The following ANKRD30B variants were observed in gnomAD, a reference collection of about 807,000 sequenced individuals.
ANKRD30B encodes the protein ankyrin repeat domain-containing protein 30B.
ANKRD30B carries 144 observed loss-of-function variants against 202.2 expected under a neutral mutation model. The observed-to-expected ratio is 0.71, with a 90% CI of 0.62 to 0.82. ANKRD30B has a LOEUF of 0.82. ANKRD30B is among the 40% of genes least tolerant of loss of function. The pLI is 0.00. For synonymous variants in ANKRD30B, 508 were observed against 561.3 expected, an observed-to-expected ratio of 0.91 and a Z score of 1.34; for missense variants, 1,487 against 1,669.1, an observed-to-expected ratio of 0.89 and a Z score of 1.90.
intron 4 of ANKRD30B, among the ~76,000 whole-genome samples, chr18:14,756,313 T>C (rs1285985796): frequency 2.0e-5 from 3 of 152,254 alleles, no homozygotes; most frequent in Admixed American, 6.5e-5. Flanking sequence ...AGCCCTTTGT[T>C]AGATGAGTAG....
the ANKRD30B span, among the ~76,000 whole-genome samples, chr18:14,926,107 G>A: frequency 1.3e-5 from 2 of 152,146 alleles, no homozygotes; most frequent in Non-Finnish European, 2.9e-5. Context: ...AGCCCAACAC[G>A]GCAGCGAGGA....
At chr18:14,861,436 C>T in the ANKRD30B span, among the ~76,000 whole-genome samples, 2 of 150,672 alleles carry the variant, frequency 1.3e-5, no homozygotes, top group African/African-American at 4.9e-5. Flanking sequence ...ATATTCATCA[C>T]ATAAATGAAA....
chr18:14,838,446 A>G (rs1971272496), intron 36 of ANKRD30B, among the ~76,000 whole-genome samples: 1 of 152,238 alleles, frequency 6.6e-6, no homozygotes, highest in South Asian at 2.1e-4. Context: ...TTGGATAAAC[A>G]TGAGAAATAG....
chr18:14,803,738 T>C lies in ANKRD30B; in HGVS notation c.2198T>C (p.Phe733Ser), dbSNP rs1309756385. The C allele has an allele frequency of 1.9e-6, 3 of 1,599,226 alleles. No homozygotes were observed. The Admixed American group carries it at 5.3e-5, about 28-fold the overall frequency. The change falls in exon 24 of 44, where the codon TTC (phenylalanine) becomes TCC (serine). Residue 733 changes from phenylalanine (F) to serine (S), a missense_variant. This residue lies in a region of ANKRD30B where 889 missense variants were observed against 841.4 expected (regional missense o/e 1.06). Transcript: ENST00000690538. ...TATTGATATTACTTTTAACAGAGTT[T>C]CCTTGAGACTCTCTTACAGAATGAT... ...DEENSWDFES[F>S]LETLLQNDVC...
At chr18:14,929,670 C>T in the ANKRD30B span, among the ~76,000 whole-genome samples, 1 of 151,972 alleles carries the variant, frequency 6.6e-6, no homozygotes, top group African/African-American at 2.4e-5. Flanking sequence ...TTGGAGTGTA[C>T]CTGTTTCTAG....
chr18:14,851,371 T>G (rs1970446), intron 41 of ANKRD30B, 138 bp from the exon 42 acceptor site: 415,539 of 823,784 alleles, frequency 0.5, 106,738 homozygotes, highest in Non-Finnish European at 0.51. Flanking sequence ...GAAGTTTTGA[T>G]TCAATGGTTC....
At chr18:14,879,629 G>T in the ANKRD30B span, among the ~76,000 whole-genome samples, 1 of 151,936 alleles carries the variant, frequency 6.6e-6, no homozygotes, top group East Asian at 1.9e-4. Context: ...CAGAGTTAAG[G>T]GTTAGGAGTC....
intron 20 of ANKRD30B, among the ~76,000 whole-genome samples, chr18:14,798,306 A>C (rs991133876): frequency 2.0e-5 from 3 of 152,076 alleles, no homozygotes; most frequent in Admixed American, 1.3e-4. Context: ...TGAGATGGTC[A>C]CATGGGGATG....
At chr18:14,803,678 C>T (rs1201154009) in intron 23 of ANKRD30B, 56 bp from the exon 24 acceptor site, 3 of 1,498,542 alleles carry the variant, frequency 2.0e-6, no homozygotes, top group Non-Finnish European at 1.8e-6. Flanking sequence ...ACTTTTGATA[C>T]TCCTCATTAT....
At chr18:14,796,285 T>C in intron 17 of ANKRD30B, 36 bp downstream of exon 17, 1 of 1,609,958 alleles carries the variant, frequency 6.2e-7, no homozygotes, top group Non-Finnish European at 8.5e-7. Context: ...GAATACTAAC[T>C]ACATATTTTA....
At chr18:14,890,043 C>T in the ANKRD30B span, 649 of 1,275,222 alleles carry the variant, frequency 5.1e-4, 2 homozygotes, top group East Asian at 0.013. Flanking sequence ...ACTTTCCACC[C>T]CTTTGATTGC....
rs1971222111 is a variant in ANKRD30B, at chr18:14,837,304, AT to A, written c.2926+21del. On this transcript the variant is annotated intron_variant, in intron 35 of 43. Transcript: ENST00000690538. ...AGATCAAACAAGTAATGACAATTTT[AT>A]TTTTTATACCAAAATAATAGAAATG... 3.3e-6 allele frequency: 5 copies of A among 1,514,422 alleles called. No homozygotes were observed. The highest frequency in any genetic ancestry group is 4.5e-6 in the Non-Finnish European group (5 of 1,122,580). 93.8% of individuals were successfully genotyped at this position (1,514,422 alleles called of 1,614,324 possible).
intron 36 of ANKRD30B, among the ~76,000 whole-genome samples, chr18:14,838,711 T>G (rs984606381): frequency 5.9e-5 from 9 of 152,220 alleles, no homozygotes; most frequent in Non-Finnish European, 1.3e-4. Flanking sequence ...AAGATAAGTC[T>G]GTATTTGGTT....
At chr18:14,751,213 T>C (rs1373813153) in intron 1 of ANKRD30B, among the ~76,000 whole-genome samples, 1 of 152,036 alleles carries the variant, frequency 6.6e-6, no homozygotes, top group African/African-American at 2.4e-5. Flanking sequence ...TTAATCATTT[T>C]AGTGTAGTTT....
intron 24 of ANKRD30B, 148 bp from the exon 25 acceptor site, chr18:14,808,403 A>T (rs369733533): frequency 1.2e-6 from 1 of 845,672 alleles, no homozygotes; most frequent in East Asian, 2.7e-5. Flanking sequence ...ATGTTAACAA[A>T]TACAAAAACC....
chr18:14,880,391 G>A, the ANKRD30B span, among the ~76,000 whole-genome samples: 1 of 152,052 alleles, frequency 6.6e-6, no homozygotes, highest in African/African-American at 2.4e-5. Flanking sequence ...ATTAATTTTA[G>A]AATTGTTTTT....
chr18:14,852,690 G>T (rs1284374788), intron 42 of ANKRD30B: 3 of 244,400 alleles, frequency 1.2e-5, no homozygotes, highest in Middle Eastern at 1.3e-3. Flanking sequence ...GGCTTATACT[G>T]CTGAAATAAA....
At chr18:14,931,688 C>G in the ANKRD30B span, among the ~76,000 whole-genome samples, 1 of 152,110 alleles carries the variant, frequency 6.6e-6, no homozygotes, top group Admixed American at 6.5e-5. Context: ...GTGGTGTGTG[C>G]CCCACAGCGC....
the ANKRD30B span, among the ~76,000 whole-genome samples, chr18:14,934,356 C>G: frequency 6.6e-6 from 1 of 152,210 alleles, no homozygotes. Flanking sequence ...CTTTCCCTCA[C>G]CTGTCCTGAC....
Sources: allele counts gnomAD v4.1 joint callset (sites outside exome capture counted in the v4.1 genomes callset), GRCh38; gene constraint gnomAD v4.1.1; regional missense constraint gnomAD v4.1.1; transcripts MANE v1.5; gene names NCBI Gene and HGNC (gene_info 2026-07-23, HGNC 2026-07-21).